The following FRA10AC1 variants were observed in gnomAD, a reference collection of about 807,000 sequenced individuals.
The protein encoded by FRA10AC1 is protein FRA10AC1.
FRA10AC1 carries 43 observed loss-of-function variants against 56.5 expected under a neutral mutation model. That is an observed-to-expected ratio of 0.76 (90% confidence interval 0.60 to 0.98). FRA10AC1 has a LOEUF of 0.98. Among genes scored for constraint, FRA10AC1 ranks in the 50% least tolerant of loss-of-function variants. The pLI is 0.00. For synonymous variants in FRA10AC1, 112 were observed against 110.5 expected (o/e 1.01, Z -0.09); for missense variants, 346 against 351.8 (o/e 0.98, Z 0.13).
At position 93,702,515 on chromosome 10, in the gene FRA10AC1, A is replaced by ACC. The variant is rs2059354594; in HGVS notation, c.-142_-141insGG. 1 of 182,218 alleles carries ACC rather than the reference A, an allele frequency of 5.5e-6. No individual in the cohort carries two copies. The highest frequency in any genetic ancestry group is 1.1e-5 in the Non-Finnish European group (1 of 92,258). The allele number at this position is 182,218 out of a possible 1,614,324, so 11.3% of individuals were successfully genotyped here. A position where few individuals can be genotyped will look rare whatever the true frequency, so the allele number is the denominator to read the frequency against. ...GCGCCCTGCCGCACAGCCTCGCCACAACCACCACCGCCGCCGCCGCCGCCG... is the reference window on the plus strand; with the variant it reads ...GCGCCCTGCCGCACAGCCTCGCCACACCACCACCACCGCCGCCGCCGCCGCCG... On this transcript the variant is annotated 5_prime_UTR_variant, in exon 1 of 14. Coordinates refer to ENST00000359204, the MANE Select transcript of FRA10AC1 (RefSeq NM_145246.5).
chr10:93,700,644 A>G (rs1000272130), intron 1 of FRA10AC1, among the ~76,000 whole-genome samples: 47 of 152,158 alleles, frequency 3.1e-4, no homozygotes, highest in African/African-American at 1.1e-3. Flanking sequence ...AATTACTCCA[A>G]ATTTCCTCTC....
chr10:93,696,552 C>T (rs2059238707), intron 4 of FRA10AC1, among the ~76,000 whole-genome samples: 1 of 152,216 alleles, frequency 6.6e-6, no homozygotes, highest in Non-Finnish European at 1.5e-5. Flanking sequence ...GTGGCAATTC[C>T]TCAAGGACCT....
intron 12 of FRA10AC1, chr10:93,673,621 A>G (rs907156346): frequency 4.0e-5 from 14 of 353,150 alleles, no homozygotes; most frequent in South Asian, 1.8e-4. Context: ...GACAGGTCAG[A>G]TTTTTATAGA....
chr10:93,698,434 C>A, intron 2 of FRA10AC1, 38 bp from the exon 3 acceptor site: 1 of 1,187,024 alleles, frequency 8.4e-7, no homozygotes, highest in South Asian at 1.4e-5. Context: ...TCACTTTTTT[C>A]AAAGGTTATT....
chr10:93,677,523 G>A (rs573605271), intron 11 of FRA10AC1, among the ~76,000 whole-genome samples: 1 of 152,308 alleles, frequency 6.6e-6, no homozygotes, highest in East Asian at 1.9e-4. Flanking sequence ...AGGTAAAAAA[G>A]ACGTTAGGCT....
chr10:93,678,273 T>C (rs952659898), intron 11 of FRA10AC1, among the ~76,000 whole-genome samples: 3 of 152,194 alleles, frequency 2.0e-5, no homozygotes, highest in Non-Finnish European at 4.4e-5. Flanking sequence ...TCTACCTAAA[T>C]ATCTTGTTCT....
chr10:93,685,091 C>A (rs1041462280), intron 9 of FRA10AC1, among the ~76,000 whole-genome samples, 155 bp downstream of exon 9: 1 of 152,010 alleles, frequency 6.6e-6, no homozygotes, highest in Non-Finnish European at 1.5e-5. Context: ...AAAACTGAGG[C>A]TGAAAAGTTC....
intron 12 of FRA10AC1, chr10:93,673,784 T>G (rs143127554): frequency 5.7e-4 from 259 of 452,308 alleles, no homozygotes; most frequent in South Asian, 9.4e-4. Context: ...CATTTGATTC[T>G]GATAATAATC....
At chr10:93,678,662 C>T (rs2058882334) in intron 11 of FRA10AC1, among the ~76,000 whole-genome samples, 1 of 152,162 alleles carries the variant, frequency 6.6e-6, no homozygotes, top group Admixed American at 6.5e-5. Context: ...GACCCTGTCT[C>T]TGCAACAACA....
At chr10:93,688,119 G>A (rs867289286) in intron 7 of FRA10AC1, among the ~76,000 whole-genome samples, 2 of 152,246 alleles carry the variant, frequency 1.3e-5, no homozygotes, top group South Asian at 2.1e-4. Flanking sequence ...CAACCAAGAT[G>A]TTCTTCATTA....
Position 93,698,399 on chromosome 10 carries a change from G to T in FRA10AC1, c.78-3C>A, listed in dbSNP as rs779385688. ...GCAGTAAGTCATCTTCAACTGTCCT[G>T]ATATATTAAGAAGAAAATAAGAGTT... On this transcript the variant is annotated splice_polypyrimidine_tract_variant and splice_region_variant and intron_variant, in intron 2 of 13. Transcript: ENST00000359204. 4.6e-6 allele frequency: 7 copies of T among 1,512,338 alleles called. No homozygotes were observed. The East Asian group carries it at 1.1e-4, about 24-fold the overall frequency. The allele number at this position is 1,512,338 out of a possible 1,614,324, so 93.7% of individuals were successfully genotyped here. A position where few individuals can be genotyped will look rare whatever the true frequency, so the allele number is the denominator to read the frequency against.
rs775977673 is a variant in FRA10AC1, at chr10:93,688,526, G to GTAGGT, written c.466-1082_466-1078dup. ...GGACTTCAAATAATGATGTATCAACGTAGGTTCACTGATTGTAACAAATGT... is the reference window on the plus strand; with the variant it reads ...GGACTTCAAATAATGATGTATCAACGTAGGTTAGGTTCACTGATTGTAACAAATGT... On this transcript the variant is annotated intron_variant, in intron 7 of 13. Transcript: ENST00000359204. Among the ~76,000 whole-genome samples, 5 of 152,120 alleles carry GTAGGT rather than the reference G, an allele frequency of 3.3e-5. No homozygotes were observed. In the East Asian group the frequency reaches 7.7e-4, roughly 23 times the overall value.
chr10:93,693,535 T>C (rs1272292699), intron 5 of FRA10AC1, among the ~76,000 whole-genome samples: 29 of 98,772 alleles, frequency 2.9e-4, no homozygotes, highest in African/African-American at 8.5e-4. Context: ...ATACACCATA[T>C]ATATATATAT....
intron 5 of FRA10AC1, among the ~76,000 whole-genome samples, chr10:93,694,069 A>G (rs1589727079): frequency 6.6e-6 from 1 of 152,242 alleles, no homozygotes; most frequent in East Asian, 1.9e-4. Flanking sequence ...TACCTCAAAA[A>G]CTATTGAAAT....
chr10:93,671,204 C>A (rs1023387534), intron 12 of FRA10AC1: 1 of 187,802 alleles, frequency 5.3e-6, no homozygotes, highest in Admixed American at 5.5e-5. Flanking sequence ...AGAAGACACG[C>A]AAGTTAAGAT....
intron 12 of FRA10AC1, chr10:93,674,576 G>T (rs1156285356): frequency 6.6e-6 from 1 of 152,120 alleles, no homozygotes; most frequent in African/African-American, 2.4e-5. Flanking sequence ...TTAGCTAGGG[G>T]TTTCTCAGAT....
intron 4 of FRA10AC1, among the ~76,000 whole-genome samples, chr10:93,697,141 T>A (rs1309186141): frequency 6.6e-6 from 1 of 151,686 alleles, no homozygotes; most frequent in Non-Finnish European, 1.5e-5. Context: ...CAAAAAAAAC[T>A]GTGGCTCCAA....
intron 12 of FRA10AC1, chr10:93,671,317 A>G (rs148999399): frequency 0.01 from 1,577 of 153,316 alleles, 110 homozygotes; most frequent in Admixed American, 0.093. Context: ...ATTGTCAGAC[A>G]TTTTAAAAAA....
At chr10:93,698,037 T>TA in intron 4 of FRA10AC1, 99 bp downstream of exon 4, 2 of 661,998 alleles carry the variant, frequency 3.0e-6, no homozygotes, top group East Asian at 3.0e-5. Context: ...TCTTTAAAAA[T>TA]AAAAAAGCCT....
Sources: allele counts gnomAD v4.1 joint callset (sites outside exome capture counted in the v4.1 genomes callset), GRCh38; gene constraint gnomAD v4.1.1; transcripts MANE v1.5; gene names NCBI Gene and HGNC (gene_info 2026-07-23, HGNC 2026-07-21).